Variants in CASS4 observed in about 807,000 individuals in gnomAD.
The protein encoded by CASS4 is Cas scaffold protein family member 4.
CASS4 carries 22 observed loss-of-function variants against 54.2 expected under a neutral mutation model. The observed-to-expected ratio is 0.41, with a 90% confidence interval of 0.29 to 0.58. The LOEUF (loss-of-function observed/expected upper bound fraction) is 0.58. CASS4 is among the 20% of genes least tolerant of loss of function. The pLI is 0.36. For synonymous variants in CASS4, 409 were observed against 391.5 expected (o/e 1.04, Z -0.53); for missense variants, 854 against 986.7 (o/e 0.87, Z 1.80).
In CASS4 at chr20:56,452,361, G is replaced by A. The variant is rs147388572; in HGVS notation, c.1185G>A (p.Pro395=). The change falls in exon 5 of 6, where the codon CCG becomes CCA. Residue 395 remains proline (P), a synonymous_variant. Transcript: ENST00000679887. ...SRRTTSPSPE[P]DRLSGSSSDS... Reference sequence around the variant, plus strand: ...GGACAACTTCCCCATCTCCTGAACCGGACAGATTATCAGGTTCCAGTTCTG... The same window carrying A: ...GGACAACTTCCCCATCTCCTGAACCAGACAGATTATCAGGTTCCAGTTCTG... 320 of 1,613,956 alleles carry A rather than the reference G, an allele frequency of 2.0e-4. 1 individual carries two copies. In the African/African-American group the frequency reaches 3.4e-3, roughly 17 times the overall value.
At position 56,440,275 on chromosome 20, in the gene CASS4, C is replaced by A. The variant is rs181376322; in HGVS notation, c.459+2689C>A. On this transcript the variant is annotated intron_variant, in intron 2 of 5. Transcript: ENST00000679887. ...CTGGCATGCTCAGCTGCTGTCTGAGCAGCTGACTCGGAGCAGAGCTTTGCT... is the reference window on the plus strand; with the variant it reads ...CTGGCATGCTCAGCTGCTGTCTGAGAAGCTGACTCGGAGCAGAGCTTTGCT... Among the ~76,000 whole-genome samples, 285 of 152,310 alleles carry A rather than the reference C, an allele frequency of 1.9e-3. 4 individuals are homozygous for A. Among genetic ancestry groups the A allele is most frequent in the African/African-American group, 6.7e-3 (278 of 41,564 alleles).
Position 56,453,293 on chromosome 20 carries a change from C to G in CASS4, c.1953+164C>G, listed in dbSNP as rs528642551. ...ATGAAAGTAAAATTCTTGATGAAAT[C>G]TTATTAACAAGTCAGATAAAGATAG... is the stretch of plus-strand genomic sequence containing the variant. On this transcript the variant is annotated intron_variant, in intron 5 of 5. Coordinates refer to ENST00000679887, the MANE Select transcript of CASS4 (RefSeq NM_020356.4). 106 of 602,290 alleles carry G rather than the reference C, an allele frequency of 1.8e-4. 1 individual carries two copies. The highest frequency in any genetic ancestry group is 1.5e-3 in the South Asian group (69 of 45,426). 37.3% of individuals were successfully genotyped at this position (602,290 alleles called of 1,614,324 possible).
At chr20:56,448,387 CT>C (rs1487813192) in intron 3 of CASS4, among the ~76,000 whole-genome samples, 2 of 152,166 alleles carry the variant, frequency 1.3e-5, no homozygotes, top group Non-Finnish European at 2.9e-5. Context: ...TCTCCTCCCC[CT>C]GGTCCTGACC....
At chr20:56,433,016 C>G (rs1457583779) in intron 1 of CASS4, among the ~76,000 whole-genome samples, 2 of 152,218 alleles carry the variant, frequency 1.3e-5, no homozygotes, top group Non-Finnish European at 2.9e-5. Context: ...TGTCACGCCT[C>G]TCTTTCATTC....
Position 56,458,595 on chromosome 20 carries a change from A to C in CASS4, c.2209A>C (p.Ser737Arg), listed in dbSNP as rs1343225233. The change falls in exon 6 of 6, where the codon AGC becomes CGC. Residue 737 changes from serine (S) to arginine (R), a missense_variant. By Grantham distance (110) the Ser-to-Arg change is moderately radical. Transcript: ENST00000679887. ...RDVRNEILRG[S>R]SHLCSLLKDV... ...CGTGCGCAACGAGATCCTCCGTGGC[A>C]GCAGTCACCTCTGCAGCCTGCTCAA... 1.2e-6 allele frequency: 2 copies of C among 1,613,992 alleles called. No homozygotes were observed. Among genetic ancestry groups the C allele is most frequent in the Non-Finnish European group, 1.7e-6 (2 of 1,179,964 alleles).
chr20:56,452,148 T>A lies in CASS4; in HGVS notation c.972T>A (p.Asp324Glu). Residue 324 changes from aspartate (D) to glutamate (E), a missense_variant, in exon 5 of 6, where the codon GAT becomes GAA. Asp to Glu is a conservative substitution (Grantham distance 45). Transcript: ENST00000679887. ...TACCCAGAGGCACATTTCCTTTGGA[T>A]GAAGATGTCAGCTACAAGGTTCCTT... ...FLVPRGTFPL[D>E]EDVSYKVPSS... 2 of 1,614,230 alleles carry A rather than the reference T, an allele frequency of 1.2e-6. No homozygotes were observed. Among genetic ancestry groups the A allele is most frequent in the Non-Finnish European group, 1.7e-6 (2 of 1,180,052 alleles).
In CASS4 at chr20:56,437,482, T is replaced by A; in HGVS notation, c.355T>A (p.Trp119Arg). 6.2e-7 allele frequency: 1 copy of A among 1,611,616 alleles called. No homozygotes were observed. Among genetic ancestry groups the A allele is most frequent in the South Asian group, 1.1e-5 (1 of 90,878 alleles). The change falls in exon 2 of 6, where the codon TGG becomes AGG. Residue 119 changes from tryptophan to arginine, a missense_variant. Physicochemically the swap from Trp to Arg is moderately radical, Grantham distance 101 (BLOSUM62 -3). Coordinates refer to ENST00000679887, the MANE Select transcript of CASS4 (RefSeq NM_020356.4). The surrounding 1 kb of genome is among the most constrained non-coding windows in gnomAD (Gnocchi z 4.7). ...PGPVYEQMRS[W>R]AEGPQPPTAQ... ...CCCCGTTTATGAGCAGATGAGGAGT[T>A]GGGCGGAGGGGCCCCAGCCCCCTAC...
chr20:56,417,831 T>C (rs1490851204), intron 1 of CASS4, among the ~76,000 whole-genome samples: 1 of 152,212 alleles, frequency 6.6e-6, no homozygotes, highest in Non-Finnish European at 1.5e-5. Flanking sequence ...CCACTCAGCC[T>C]GTTCTCTTGA....
chr20:56,458,840 A>C lies in CASS4; in HGVS notation c.*93A>C, dbSNP rs1339097669. 1 of 1,292,698 alleles carries C rather than the reference A, an allele frequency of 7.7e-7. No homozygotes were observed. The highest frequency in any genetic ancestry group is 2.6e-5 in the East Asian group (1 of 39,054). 80.1% of individuals were successfully genotyped at this position (1,292,698 alleles called of 1,614,324 possible). A position where few individuals can be genotyped will look rare whatever the true frequency, so the allele number is the denominator to read the frequency against. On this transcript the variant is annotated 3_prime_UTR_variant, in exon 6 of 6. Coordinates refer to ENST00000679887, the MANE Select transcript of CASS4 (RefSeq NM_020356.4). ...CCCTATGGGAAAAGCCAGCCGGGGC[A>C]TACACCAATGAGCTGAAACAGACCT...
At position 56,439,511 on chromosome 20, in the gene CASS4, T is replaced by C. The variant is rs549696066; in HGVS notation, c.459+1925T>C. Among the ~76,000 whole-genome samples the C allele has an allele frequency of 4.0e-5, 6 of 151,656 alleles. No homozygotes were observed. In the South Asian group the frequency reaches 8.3e-4, roughly 21 times the overall value. ...CATAGTGAGACCTCATCTTTACTAA[T>C]AATAATAAAAAATAATTAGGCAGGC... On this transcript the variant is annotated intron_variant, in intron 2 of 5. Coordinates refer to ENST00000679887, the MANE Select transcript of CASS4 (RefSeq NM_020356.4).
At position 56,450,772 on chromosome 20, in the gene CASS4, G is replaced by A. The variant is rs554430172; in HGVS notation, c.642+93G>A. ...CTTGGGGCCAGGCACGGTGGCTGAAGCCTGTAATCCCAGCACTTTGAGAGG... is the reference window on the plus strand; with the variant it reads ...CTTGGGGCCAGGCACGGTGGCTGAAACCTGTAATCCCAGCACTTTGAGAGG... On this transcript the variant is annotated intron_variant, in intron 4 of 5. Coordinates refer to ENST00000679887, the MANE Select transcript of CASS4 (RefSeq NM_020356.4). 5 of 1,206,414 alleles carry A rather than the reference G, an allele frequency of 4.1e-6. No homozygotes were observed. In the African/African-American group the frequency reaches 6.0e-5, roughly 15 times the overall value. 74.7% of individuals were successfully genotyped at this position (1,206,414 alleles called of 1,614,324 possible).
At chr20:56,449,804 G>C (rs1290159016) in intron 3 of CASS4, among the ~76,000 whole-genome samples, 1 of 152,014 alleles carries the variant, frequency 6.6e-6, no homozygotes, top group Non-Finnish European at 1.5e-5. Flanking sequence ...GTGTCATCCA[G>C]CTTCGTGTCT....
intron 1 of CASS4, among the ~76,000 whole-genome samples, chr20:56,417,637 T>C (rs986738791): frequency 2.0e-5 from 3 of 152,238 alleles, no homozygotes; most frequent in African/African-American, 7.2e-5. Context: ...AAGTAGTTGC[T>C]CAATACATGC....
chr20:56,434,348 A>G (rs938358084), intron 1 of CASS4, among the ~76,000 whole-genome samples: 2 of 152,268 alleles, frequency 1.3e-5, no homozygotes, highest in Non-Finnish European at 2.9e-5. Context: ...AAGAAAAATT[A>G]TGTTTCATCT....
intron 3 of CASS4, among the ~76,000 whole-genome samples, chr20:56,448,896 A>C (rs1312615344): frequency 6.6e-6 from 1 of 152,178 alleles, no homozygotes; most frequent in Non-Finnish European, 1.5e-5. Flanking sequence ...ATGCAAATCA[A>C]AACCACCATG....
Position 56,452,592 on chromosome 20 carries a change from G to A in CASS4, c.1416G>A (p.Leu472=), listed in dbSNP as rs749857293. The A allele has an allele frequency of 2.5e-6, 4 of 1,614,132 alleles. No individual in the cohort carries two copies. The highest frequency in any genetic ancestry group is 3.4e-6 in the Non-Finnish European group (4 of 1,180,032). The stretch of plus-strand genomic sequence containing the variant: ...GGAAGTGGAGATTCCGAGACTATCT[G>A]GAGGCCAACATTGATGCAATCCACA... ...VSRKWRFRDY[L]EANIDAIHRS... is the part of the protein sequence containing the mutation. Residue 472 remains leucine, a synonymous_variant, in exon 5 of 6, where the codon CTG becomes CTA. Coordinates refer to ENST00000679887, the MANE Select transcript of CASS4 (RefSeq NM_020356.4).
chr20:56,429,030 GGCGAGTGCACGTGGGT>G (rs1979774083), intron 1 of CASS4, among the ~76,000 whole-genome samples: 1 of 152,148 alleles, frequency 6.6e-6, no homozygotes, highest in South Asian at 2.1e-4. Flanking sequence ...TGTGCATGTG[GGCGAGTGCACGTGGGT>G]GCAGTCACCC....
rs1978928846 is a variant in CASS4, at chr20:56,412,492, A to C, written c.34A>C (p.Lys12Gln). The stretch of plus-strand genomic sequence containing the variant: ...AACAGGCATCATGGACTGTGCGCCC[A>C]AGGTGAGTGATGTGGGGCTGTTTGA... Reference protein sequence around the residue: ...KGTGIMDCAPKALLARALYDN... With the variant: ...KGTGIMDCAPQALLARALYDN... The change falls in exon 1 of 6, where the codon AAG becomes CAG. Residue 12 changes from lysine to glutamine, a missense_variant and splice_region_variant. By Grantham distance (53) the Lys-to-Gln change is moderately conservative. Coordinates refer to ENST00000679887, the MANE Select transcript of CASS4 (RefSeq NM_020356.4). The surrounding 1 kb of genome is among the most constrained non-coding windows in gnomAD (Gnocchi z 4.2). 1.2e-6 allele frequency: 2 copies of C among 1,612,188 alleles called. No individual in the cohort carries two copies. Among genetic ancestry groups the C allele is most frequent in the Non-Finnish European group, 1.7e-6 (2 of 1,179,088 alleles).
intron 1 of CASS4, among the ~76,000 whole-genome samples, chr20:56,433,272 A>G (rs6099144): frequency 0.072 from 10,975 of 152,268 alleles, 1,288 homozygotes; most frequent in African/African-American, 0.25. Flanking sequence ...CATTTAAGAT[A>G]AGCCTGAAAG....
Sources: allele counts gnomAD v4.1 joint callset (sites outside exome capture counted in the v4.1 genomes callset), GRCh38; gene constraint gnomAD v4.1.1; non-coding constraint Gnocchi (gnomAD v3.1); transcripts MANE v1.5; gene names NCBI Gene and HGNC (gene_info 2026-07-23, HGNC 2026-07-21).